TRIP12: variants seen among roughly 807,000 people sequenced by gnomAD.
TRIP12 encodes the protein thyroid hormone receptor interactor 12, also known as E3 ubiquitin-protein ligase TRIP12.
TRIP12 carries 25 observed loss-of-function variants against 244.2 expected under a neutral mutation model. The observed-to-expected ratio is 0.10, with a 90% CI of 0.07 to 0.14. TRIP12 has a LOEUF of 0.14. Among genes scored for constraint, TRIP12 ranks in the 10% least tolerant of loss-of-function variants. The pLI is 1.00. For synonymous variants in TRIP12, 905 were observed against 873.1 expected, an observed-to-expected ratio of 1.04 and a Z score of -0.64; for missense variants, 1,677 against 2,486.4, an observed-to-expected ratio of 0.67 and a Z score of 6.92.
rs60397605 is a variant in TRIP12, at chr2:229,917,380, C to CAAAAAAAAAAA, written c.-50+4489_-50+4499dup. The stretch of plus-strand genomic sequence containing the variant: ...TGGGCAACAGAGCGAGACTCTGTCT[C>CAAAAAAAAAAA]AAAAAAAAAAAAAAAAAAAAAAAAA... On this transcript the variant is annotated intron_variant, in intron 1 of 41. Transcript: ENST00000675903. Among the ~76,000 whole-genome samples the CAAAAAAAAAAA allele has an allele frequency of 5.4e-3, 159 of 29,256 alleles. 34 individuals are homozygous for CAAAAAAAAAAA. The highest frequency in any genetic ancestry group is 7.1e-3 in the Non-Finnish European group (119 of 16,774). 19.2% of individuals were successfully genotyped at this position (29,256 alleles called of 152,430 possible).
intron 1 of TRIP12, among the ~76,000 whole-genome samples, chr2:229,903,004 C>CTTTT (rs1252768706): frequency 3.3e-5 from 1 of 30,288 alleles, no homozygotes; most frequent in African/African-American, 1.5e-4. Flanking sequence ...GTTTTTTTTT[C>CTTTT]TTTTTCTTTT....
chr2:229,794,534 T>C lies in TRIP12; in HGVS notation c.3968+645A>G, dbSNP rs183478787. ...TGAGCCATGTTCACACTAGTGTAAT[T>C]TGGCTTGGGCAACAAAGTAAGACTC... On this transcript the variant is annotated intron_variant, in intron 26 of 41. Transcript: ENST00000675903. 9.6e-3 allele frequency among the ~76,000 whole-genome samples: 1,466 copies of C among 151,988 alleles called. 14 individuals carry two copies. Among genetic ancestry groups the C allele is most frequent in the Admixed American group, 0.015 (234 of 15,260 alleles).
rs1372598946 is a variant in TRIP12, at chr2:229,765,733, TTG to T, written c.*1819_*1820del. 2.6e-5 allele frequency: 4 copies of T among 152,218 alleles called. No homozygotes were observed. The highest frequency in any genetic ancestry group is 4.1e-4 in the South Asian group (2 of 4,836). The allele number at this position is 152,218 out of a possible 1,614,324, so 9.4% of individuals were successfully genotyped here. A position where few individuals can be genotyped will look rare whatever the true frequency, so the allele number is the denominator to read the frequency against. On this transcript the variant is annotated 3_prime_UTR_variant, in exon 42 of 42. Coordinates refer to ENST00000675903, the MANE Select transcript of TRIP12 (RefSeq NM_001348323.3). Reference sequence around the variant, plus strand: ...AGATATCAGAACAGTTGAAAACAAATTGTTTCAGTCTTTAACTTCACTTGATG... The same window carrying T: ...AGATATCAGAACAGTTGAAAACAAATTTTCAGTCTTTAACTTCACTTGATG...
upstream of TRIP12, chr2:229,922,453 T>C: frequency 1.3e-6 from 2 of 1,554,176 alleles, no homozygotes; most frequent in Admixed American, 3.3e-5. Flanking sequence ...TTTTGGCCCC[T>C]TGACCCCAAC....
rs139703319 is a variant in TRIP12, at chr2:229,814,234, G to A, written c.1823C>T (p.Ala608Val). 518 of 1,613,716 alleles carry A rather than the reference G, an allele frequency of 3.2e-4. 1 individual carries two copies. Among genetic ancestry groups the A allele is most frequent in the Non-Finnish European group, 3.8e-4 (450 of 1,179,808 alleles). ...SRRHSKAILQAGGLADCLLYL... is the reference protein window; with the variant it reads ...SRRHSKAILQVGGLADCLLYL... ...GTCCCCTTCAGTAACAACACTTACC[G>A]CCTGTAGAATGGCTTTACTATGTCT... Residue 608 changes from alanine to valine, a missense_variant and splice_region_variant, in exon 12 of 42, where the codon GCG (alanine) becomes GTG (valine). Coordinates refer to ENST00000675903, the MANE Select transcript of TRIP12 (RefSeq NM_001348323.3).
At chr2:229,906,737 AG>A in intron 1 of TRIP12, among the ~76,000 whole-genome samples, 1 of 151,688 alleles carries the variant, frequency 6.6e-6, no homozygotes, top group African/African-American at 2.4e-5. Flanking sequence ...AAAAAAAAAA[AG>A]AAAAAAAAAT....
intron 1 of TRIP12, among the ~76,000 whole-genome samples, chr2:229,895,178 G>C (rs1174046007): frequency 6.6e-6 from 1 of 152,172 alleles, no homozygotes; most frequent in African/African-American, 2.4e-5. Flanking sequence ...ATGTTACATA[G>C]ATTTGGAAAA....
chr2:229,818,229 A>T (rs987206339), intron 9 of TRIP12, 135 bp downstream of exon 9: 22 of 943,156 alleles, frequency 2.3e-5, no homozygotes, highest in Non-Finnish European at 3.1e-5. Context: ...AAATACAAGC[A>T]CCAAGTCATA....
At chr2:229,889,959 A>G (rs2066928590) in intron 1 of TRIP12, among the ~76,000 whole-genome samples, 1 of 152,186 alleles carries the variant, frequency 6.6e-6, no homozygotes, top group African/African-American at 2.4e-5. Flanking sequence ...TATTTGGTAA[A>G]TGACCTTTCC....
chr2:229,856,387 C>T (rs774385079), intron 4 of TRIP12, among the ~76,000 whole-genome samples: 8 of 152,246 alleles, frequency 5.3e-5, no homozygotes, highest in Non-Finnish European at 1.0e-4. Context: ...ACTGCCAAAA[C>T]TCTTGGTGTT....
intron 1 of TRIP12, among the ~76,000 whole-genome samples, chr2:229,915,962 T>C (rs906536708): frequency 6.6e-6 from 1 of 152,214 alleles, no homozygotes; most frequent in African/African-American, 2.4e-5. Context: ...CCCAAAGTTC[T>C]GGAATTACAG....
At position 229,811,005 on chromosome 2, in the gene TRIP12, T is replaced by C. The variant is rs762183066; in HGVS notation, c.2096A>G (p.Asn699Ser). The change falls in exon 15 of 42, where the codon AAT becomes AGT. Residue 699 changes from asparagine (N) to serine (S), a missense_variant. This residue lies in a region of TRIP12 where 572 missense variants were observed against 867.8 expected (regional missense o/e 0.66). Coordinates refer to ENST00000675903, the MANE Select transcript of TRIP12 (RefSeq NM_001348323.3). The stretch of plus-strand genomic sequence containing the variant: ...AGTCACTACCAACAGCTGTTGAACA[T>C]TTGTAAGCAGATCTTTGGAAGCAAC... The part of the protein sequence containing the change: ...QQVASKDLLT[N>S]VQQLLVVTPP... The C allele has an allele frequency of 9.3e-6, 15 of 1,614,088 alleles. No individual in the cohort carries two copies. In the South Asian group the frequency reaches 1.5e-4, roughly 17 times the overall value.
rs1251393031 is a variant in TRIP12 at position 229,799,377 on chromosome 2, T to C, written c.3213A>G (p.Leu1071=). The C allele has an allele frequency of 6.2e-7, 1 of 1,613,896 alleles. No individual in the cohort carries two copies. The change falls in exon 22 of 42, where the codon TTA becomes TTG. Residue 1071 remains leucine (L), a synonymous_variant. Coordinates refer to ENST00000675903, the MANE Select transcript of TRIP12 (RefSeq NM_001348323.3). Reference sequence around the variant, plus strand: ...GTCGTTTTCTCTTTAGAACATCACTTAATCGACTGTCCATGGGAAAATATG... The same window carrying C: ...GTCGTTTTCTCTTTAGAACATCACTCAATCGACTGTCCATGGGAAAATATG... ...DSLDLSPQGR[L]SDVLKRKRLP...
chr2:229,882,343 G>T (rs2065053295), intron 1 of TRIP12, among the ~76,000 whole-genome samples: 1 of 152,018 alleles, frequency 6.6e-6, no homozygotes, highest in African/African-American at 2.4e-5. Flanking sequence ...CTTAATTTTT[G>T]GCAAAATACT....
intron 25 of TRIP12, 59 bp from the exon 26 acceptor site, chr2:229,795,389 CAA>C: frequency 6.5e-7 from 1 of 1,541,042 alleles, no homozygotes; most frequent in Non-Finnish European, 8.8e-7. Flanking sequence ...AAAGTCTCCT[CAA>C]AGAGAAGATT....
In TRIP12 at chr2:229,766,963, C is replaced by A. The variant is rs967810889; in HGVS notation, c.*591G>T. The A allele has an allele frequency of 6.6e-6, 1 of 151,708 alleles. No individual in the cohort carries two copies. The highest frequency in any genetic ancestry group is 2.4e-5 in the African/African-American group (1 of 41,294). 9.4% of individuals were successfully genotyped at this position (151,708 alleles called of 1,614,324 possible). On this transcript the variant is annotated 3_prime_UTR_variant, in exon 42 of 42. Transcript: ENST00000675903. Reference sequence around the variant, plus strand: ...GATCTTAACTGGAGAGAACATGGGACAACAGAAGCCCATGGGTAACGAAAA... The same window carrying A: ...GATCTTAACTGGAGAGAACATGGGAAAACAGAAGCCCATGGGTAACGAAAA...
chr2:229,788,660 A>T, intron 32 of TRIP12, 138 bp downstream of exon 32: 1 of 1,184,142 alleles, frequency 8.4e-7, no homozygotes, highest in Non-Finnish European at 1.2e-6. Context: ...CTAAAGCCAC[A>T]CAATTAAGCA....
At chr2:229,832,976 C>T (rs576290812) in intron 6 of TRIP12, among the ~76,000 whole-genome samples, 1 of 152,122 alleles carries the variant, frequency 6.6e-6, no homozygotes, top group Admixed American at 6.5e-5. Context: ...ACTCTGGAGC[C>T]CATACATTAA....
At chr2:229,883,303 G>T (rs903844942) in intron 1 of TRIP12, among the ~76,000 whole-genome samples, 1 of 152,164 alleles carries the variant, frequency 6.6e-6, no homozygotes, top group South Asian at 2.1e-4. Context: ...GAACCCAGAG[G>T]CCAAAAGTTT....
Sources: gnomAD v4.1 joint callset for allele counts (sites outside exome capture counted in the v4.1 genomes callset) on GRCh38, gnomAD v4.1.1 for gene constraint, gnomAD v4.1.1 regional missense constraint, MANE v1.5 for transcripts, NCBI Gene and HGNC (gene_info 2026-07-23, HGNC 2026-07-21) for gene names.